CUL3: variants seen among roughly 807,000 people sequenced by gnomAD.
CUL3 encodes the protein cullin 3, also known as cullin-3.
A neutral mutation model predicts 89.1 loss-of-function variants in CUL3; 19 were observed. The ratio of observed to expected loss-of-function variants is 0.21; its 90% CI spans 0.15 to 0.31. The LOEUF (loss-of-function observed/expected upper bound fraction) is 0.31. CUL3 is among the 10% of genes least tolerant of loss of function. The pLI is 1.00. For missense variants in CUL3, 469 were observed against 942.3 expected, an observed-to-expected ratio of 0.50 and a Z score of 6.58; for synonymous variants, 351 against 308.4, an observed-to-expected ratio of 1.14 and a Z score of -1.45.
chr2:224,516,569 C>T (rs1196778135), intron 3 of CUL3, among the ~76,000 whole-genome samples: 1 of 151,988 alleles, frequency 6.6e-6, no homozygotes, highest in African/African-American at 2.4e-5. Flanking sequence ...CCCGCCTTGG[C>T]CTCCCAAAAT....
chr2:224,570,835 T>C (rs996273623), intron 1 of CUL3, among the ~76,000 whole-genome samples: 2 of 152,040 alleles, frequency 1.3e-5, no homozygotes, highest in Non-Finnish European at 2.9e-5. Context: ...TCAATATGAG[T>C]AGGCTATCCA....
chr2:224,497,897 T>C (rs763150750), intron 11 of CUL3, 48 bp from the exon 12 acceptor site: 78 of 1,389,334 alleles, frequency 5.6e-5, no homozygotes, highest in Non-Finnish European at 7.1e-5. Context: ...AACTTACACA[T>C]TTGAAATTAC....
intron 14 of CUL3, among the ~76,000 whole-genome samples, chr2:224,480,801 G>A (rs1454959645): frequency 6.6e-6 from 1 of 152,076 alleles, no homozygotes; most frequent in Non-Finnish European, 1.5e-5. Context: ...TCTTGCATTG[G>A]AAGAAAAATA....
intron 3 of CUL3, among the ~76,000 whole-genome samples, chr2:224,519,067 A>G (rs938472278): frequency 3.3e-5 from 5 of 152,198 alleles, no homozygotes; most frequent in African/African-American, 1.2e-4. Context: ...GAGCACCCCA[A>G]TCCAAAAATC....
chr2:224,506,547 GT>G (rs1692609291), intron 7 of CUL3, among the ~76,000 whole-genome samples: 1 of 152,126 alleles, frequency 6.6e-6, no homozygotes, highest in African/African-American at 2.4e-5. Flanking sequence ...TAAACCAGTT[GT>G]TTTTTCCAAT....
At chr2:224,508,460 C>T (rs1371920700) in intron 6 of CUL3, among the ~76,000 whole-genome samples, 2 of 152,166 alleles carry the variant, frequency 1.3e-5, no homozygotes, top group African/African-American at 4.8e-5. Flanking sequence ...CCAAATACTT[C>T]TAACAAAATG....
intron 1 of CUL3, among the ~76,000 whole-genome samples, chr2:224,581,839 GA>G (rs1259713126): frequency 6.6e-6 from 1 of 151,944 alleles, no homozygotes; most frequent in Admixed American, 6.6e-5. Context: ...CACTTTTGGT[GA>G]AACTACAGTT....
At chr2:224,482,795 TAC>T (rs1691581368) in intron 13 of CUL3, among the ~76,000 whole-genome samples, 1 of 152,180 alleles carries the variant, frequency 6.6e-6, no homozygotes, top group South Asian at 2.1e-4. Context: ...AAGGAAACTG[TAC>T]AGTTATATGA....
chr2:224,494,992 CG>C (rs1221901528), intron 13 of CUL3: 3 of 151,892 alleles, frequency 2.0e-5, no homozygotes, highest in Non-Finnish European at 2.9e-5. Flanking sequence ...ATATATCTGA[CG>C]AAGGACTTGT....
At chr2:224,481,393 G>A (rs911110169) in intron 14 of CUL3, among the ~76,000 whole-genome samples, 3 of 143,870 alleles carry the variant, frequency 2.1e-5, no homozygotes, top group South Asian at 2.3e-4. Flanking sequence ...CGACTTATAT[G>A]GCTCTATTAA....
chr2:224,497,642 G>A, intron 12 of CUL3, 111 bp downstream of exon 12: 3 of 758,626 alleles, frequency 4.0e-6, no homozygotes, highest in South Asian at 1.8e-5. Context: ...TAACATGTGA[G>A]ACAGGCAGAG....
Position 224,563,842 on chromosome 2 carries a change from T to C in CUL3, c.67-5986A>G, listed in dbSNP as rs538959842. On this transcript the variant is annotated intron_variant, in intron 1 of 15. Transcript: ENST00000264414. The stretch of plus-strand genomic sequence containing the variant: ...TCCAGGCAATGTTTATCTTACTTAA[T>C]ACTGTCCCCAAACCACAAAAGTAGT... Among the ~76,000 whole-genome samples, 16 of 152,272 alleles carry C rather than the reference T, an allele frequency of 1.1e-4. No homozygotes were observed. In the South Asian group the frequency reaches 3.1e-3, roughly 30 times the overall value.
At chr2:224,575,180 G>C (rs1695270914) in intron 1 of CUL3, among the ~76,000 whole-genome samples, 1 of 152,196 alleles carries the variant, frequency 6.6e-6, no homozygotes. Context: ...TAGTAGTTAG[G>C]TTTCTTGAAG....
chr2:224,502,766 A>G (rs1161586043), intron 10 of CUL3, among the ~76,000 whole-genome samples, 199 bp downstream of exon 10: 1 of 152,224 alleles, frequency 6.6e-6, no homozygotes, highest in Non-Finnish European at 1.5e-5. Context: ...AAACAACTAA[A>G]TTTTAAAAGA....
intron 3 of CUL3, among the ~76,000 whole-genome samples, chr2:224,521,859 T>G (rs1293620365): frequency 6.6e-6 from 1 of 152,134 alleles, no homozygotes; most frequent in African/African-American, 2.4e-5. Context: ...AAGCTAACTG[T>G]CAAGCTGGTT....
At chr2:224,534,388 C>T (rs1051213424) in intron 3 of CUL3, among the ~76,000 whole-genome samples, 1 of 151,900 alleles carries the variant, frequency 6.6e-6, no homozygotes, top group Non-Finnish European at 1.5e-5. Flanking sequence ...TATTGCACTG[C>T]AATAATATAC....
chr2:224,524,412 T>C (rs866641153), intron 3 of CUL3, among the ~76,000 whole-genome samples: 2 of 151,980 alleles, frequency 1.3e-5, no homozygotes, highest in African/African-American at 4.8e-5. Context: ...AAGCAAGGGG[T>C]GATGACACCA....
intron 15 of CUL3, among the ~76,000 whole-genome samples, chr2:224,476,910 A>C (rs1691343402): frequency 6.6e-6 from 1 of 152,020 alleles, no homozygotes; most frequent in Non-Finnish European, 1.5e-5. Context: ...TTGAGCCAGT[A>C]CCTCAAAGAA....
At chr2:224,538,177 G>A (rs981223857) in intron 2 of CUL3, among the ~76,000 whole-genome samples, 1 of 152,144 alleles carries the variant, frequency 6.6e-6, no homozygotes. Context: ...ACTCATGACT[G>A]AAAGAAGTAA....
Sources: gnomAD v4.1 joint callset for allele counts (sites outside exome capture counted in the v4.1 genomes callset) on GRCh38, gnomAD v4.1.1 for gene constraint, MANE v1.5 for transcripts, NCBI Gene and HGNC (gene_info 2026-07-23, HGNC 2026-07-21) for gene names.